Variants in XIAP observed in about 807,000 individuals in gnomAD.
The protein encoded by XIAP is X-linked inhibitor of apoptosis, also known as E3 ubiquitin-protein ligase XIAP.
Under a neutral mutation model 33.1 loss-of-function variants are expected in XIAP, and 3 were observed. That is an observed-to-expected ratio of 0.09 (90% confidence interval 0.04 to 0.23). XIAP has a LOEUF of 0.23. Ranked by LOEUF, XIAP falls within the 10% of genes least tolerant of loss-of-function variation. The pLI is 1.00. For missense variants in XIAP, 264 were observed against 363.0 expected (o/e 0.73, Z 2.22); for synonymous variants, 98 against 121.3 (o/e 0.81, Z 1.26).
intron 1 of XIAP, among the ~76,000 whole-genome samples, chrX:123,880,435 C>T (rs1046501115): frequency 1.3e-5 from 1 of 79,956 alleles, no homozygotes; most frequent in East Asian, 3.2e-4. Context: ...AAAGAAAACC[C>T]TAATAAAAAA....
chrX:123,879,283 C>CT (rs1460178592), intron 1 of XIAP: 1 of 104,043 alleles, frequency 9.6e-6, no homozygotes, highest in Non-Finnish European at 2.0e-5. Context: ...TGGATATAGC[C>CT]TTTTTCTGTG....
intron 1 of XIAP, among the ~76,000 whole-genome samples, chrX:123,885,284 A>G (rs1351317296): frequency 8.9e-6 from 1 of 112,180 alleles, no homozygotes; most frequent in African/African-American, 3.2e-5. Flanking sequence ...TGCATATTTT[A>G]TGCTTTCATG....
chrX:123,890,394 C>T (rs1175492416), intron 3 of XIAP, among the ~76,000 whole-genome samples: 1 of 105,626 alleles, frequency 9.5e-6, no homozygotes, highest in Non-Finnish European at 2.0e-5. Context: ...GAGGCTGAGG[C>T]GGGTGGATTG....
chrX:123,871,556 G>A (rs1218736579), intron 1 of XIAP, among the ~76,000 whole-genome samples: 1 of 106,216 alleles, frequency 9.4e-6, no homozygotes, highest in African/African-American at 3.4e-5. Flanking sequence ...GGTTCTATCA[G>A]CCCAGGCTGG....
rs1389580987 is a variant in XIAP, at chrX:123,907,616, A to C, written c.*435A>C. On this transcript the variant is annotated 3_prime_UTR_variant, in exon 7 of 7. Transcript: ENST00000371199. ...AATTTGTTTTGTGTGAAAAAGGAAT[A>C]AATTGTTCCATGCTGGTGGAAAGAT... 3 of 375,000 alleles carry C rather than the reference A, an allele frequency of 8.0e-6. No individual in the cohort carries two copies. Among genetic ancestry groups the C allele is most frequent in the Non-Finnish European group, 1.5e-5 (3 of 199,685 alleles). 30.9% of individuals were successfully genotyped at this position (375,000 alleles called of 1,213,427 possible). A position where few individuals can be genotyped will look rare whatever the true frequency, so the allele number is the denominator to read the frequency against.
In XIAP at chrX:123,899,143, AAAT is replaced by A. The variant is rs1482061880; in HGVS notation, c.1100-1348_1100-1346del. Among the ~76,000 whole-genome samples, 65 of 68,908 alleles carry A rather than the reference AAAT, an allele frequency of 9.4e-4. 4 individuals carry two copies. The highest frequency in any genetic ancestry group is 3.7e-3 in the African/African-American group (63 of 16,852). The allele number at this position is 68,908 out of a possible 115,157, so 59.8% of individuals were successfully genotyped here. ...TCAAAAAAAAAAAAAAAAAAAAAAA[AAAT>A]ATATATATATATATATATATGATTT... is the stretch of plus-strand genomic sequence containing the variant. On this transcript the variant is annotated intron_variant, in intron 5 of 6. Coordinates refer to ENST00000371199, the MANE Select transcript of XIAP (RefSeq NM_001167.4).
At chrX:123,896,818 G>A (rs1014845215) in intron 5 of XIAP, among the ~76,000 whole-genome samples, 4 of 108,650 alleles carry the variant, frequency 3.7e-5, no homozygotes, top group Admixed American at 3.0e-4. Context: ...TCCTGACCTC[G>A]TGATCTGCCC....
chrX:123,880,420 A>G (rs765967313), intron 1 of XIAP, among the ~76,000 whole-genome samples: 8 of 92,602 alleles, frequency 8.6e-5, no homozygotes, highest in African/African-American at 3.4e-4. Context: ...TCAAAAAAAA[A>G]AAAGAAAGAA....
intron 1 of XIAP, 92 bp from the exon 2 acceptor site, chrX:123,885,539 G>T: frequency 2.8e-6 from 2 of 711,438 alleles, no homozygotes; most frequent in Non-Finnish European, 2.1e-6. Flanking sequence ...TTATTTTTAT[G>T]TCATAAGTGG....
intron 2 of XIAP, among the ~76,000 whole-genome samples, chrX:123,888,287 A>C (rs938283647): frequency 6.2e-5 from 7 of 112,028 alleles, no homozygotes; most frequent in African/African-American, 2.3e-4. Flanking sequence ...GTGAACCAAG[A>C]CTGCGCCATT....
chrX:123,892,073 G>A (rs1480416822), intron 4 of XIAP, among the ~76,000 whole-genome samples: 1 of 111,271 alleles, frequency 9.0e-6, no homozygotes, highest in Non-Finnish European at 1.9e-5. Flanking sequence ...TATCTAAATT[G>A]ATAGGATGGG....
chrX:123,913,129 T>C lies in XIAP; in HGVS notation c.*5948T>C. On this transcript the variant is annotated 3_prime_UTR_variant, in exon 7 of 7. Coordinates refer to ENST00000371199, the MANE Select transcript of XIAP (RefSeq NM_001167.4). ...TTAAGCGTCCTCAGGTCCTAGGGGGTCGTGAAACCAAAACCCCAGGGATAG... is the reference window on the plus strand; with the variant it reads ...TTAAGCGTCCTCAGGTCCTAGGGGGCCGTGAAACCAAAACCCCAGGGATAG... 3.1e-6 allele frequency: 1 copy of C among 327,772 alleles called. No homozygotes were observed. Among genetic ancestry groups the C allele is most frequent in the African/African-American group, 2.7e-5 (1 of 37,722 alleles). The allele number at this position is 327,772 out of a possible 1,213,427, so 27.0% of individuals were successfully genotyped here. A position where few individuals can be genotyped will look rare whatever the true frequency, so the allele number is the denominator to read the frequency against.
At position 123,911,107 on chromosome X, in the gene XIAP, T is replaced by C. The variant is rs755594131; in HGVS notation, c.*3926T>C. ...GTGGGTTTGTCTTGACCTGGAAATT[T>C]GGGCTAAAACTTAGAAAAAATTCTT... is the stretch of plus-strand genomic sequence containing the variant. On this transcript the variant is annotated 3_prime_UTR_variant, in exon 7 of 7. Transcript: ENST00000371199. 3.0e-6 allele frequency: 1 copy of C among 329,122 alleles called. No individual in the cohort carries two copies. Among genetic ancestry groups the C allele is most frequent in the South Asian group, 2.6e-5 (1 of 38,486 alleles). 27.1% of individuals were successfully genotyped at this position (329,122 alleles called of 1,213,427 possible). A position where few individuals can be genotyped will look rare whatever the true frequency, so the allele number is the denominator to read the frequency against.
intron 5 of XIAP, among the ~76,000 whole-genome samples, chrX:123,893,697 C>T (rs1183610104): frequency 3.6e-5 from 4 of 111,021 alleles, no homozygotes; most frequent in Non-Finnish European, 7.5e-5. Flanking sequence ...AAAAATTAGC[C>T]GGGCGTGATG....
chrX:123,884,944 C>CA (rs5903649), intron 1 of XIAP, among the ~76,000 whole-genome samples: 17 of 92,083 alleles, frequency 1.8e-4, no homozygotes, highest in Admixed American at 4.9e-4. Context: ...ATGTCATGGG[C>CA]AAAAAAAAAA....
chrX:123,867,483 C>A (rs1472757649), intron 1 of XIAP, among the ~76,000 whole-genome samples: 2 of 108,192 alleles, frequency 1.8e-5, no homozygotes, highest in Non-Finnish European at 3.8e-5. Context: ...AAGTGATTCT[C>A]CTGCCTGAGC....
At position 123,911,517 on chromosome X, in the gene XIAP, T is replaced by TA. The variant is rs1237657148; in HGVS notation, c.*4336_*4337insA. ...ATATAAATCACAATAAATAAATAGG[T>TA]CAATACAAATGTTAGCCAGGCGTGG... On this transcript the variant is annotated 3_prime_UTR_variant, in exon 7 of 7. Transcript: ENST00000371199. The TA allele has an allele frequency of 3.3e-6, 1 of 306,119 alleles. No homozygotes were observed. The highest frequency in any genetic ancestry group is 2.9e-5 in the African/African-American group (1 of 34,827). 25.2% of individuals were successfully genotyped at this position (306,119 alleles called of 1,213,427 possible).
intron 5 of XIAP, among the ~76,000 whole-genome samples, chrX:123,893,513 C>T (rs2053428464): frequency 1.8e-5 from 2 of 110,135 alleles, no homozygotes; most frequent in African/African-American, 6.6e-5. Flanking sequence ...GGCGACAGAG[C>T]GAGATTCCGT....
chrX:123,860,337 C>T (rs200382204), intron 1 of XIAP, 44 bp downstream of exon 1: 3 of 327,471 alleles, frequency 9.2e-6, no homozygotes, highest in East Asian at 2.0e-4. Flanking sequence ...CGCTTTCCCT[C>T]CTTCCCCTCT....
Sources: allele counts gnomAD v4.1 joint callset (sites outside exome capture counted in the v4.1 genomes callset), GRCh38; gene constraint gnomAD v4.1.1; transcripts MANE v1.5; gene names NCBI Gene and HGNC (gene_info 2026-07-23, HGNC 2026-07-21).